The following MAPK10 variants were observed in gnomAD, a reference collection of about 807,000 sequenced individuals.
MAPK10 encodes mitogen-activated protein kinase 10, also known as JNK3 alpha protein kinase.
In MAPK10, 25 loss-of-function variants were observed where a neutral mutation model predicts 59.3. The observed-to-expected ratio is 0.42, with a 90% CI of 0.31 to 0.59. MAPK10 has a LOEUF of 0.59. MAPK10 is among the 20% of genes least tolerant of loss of function. The probability of loss-of-function intolerance (pLI) is 0.15; values close to 1 mark genes in which losing one functional copy is unlikely to be tolerated. For synonymous variants in MAPK10, 190 were observed against 200.5 expected, an observed-to-expected ratio of 0.95 and a Z score of 0.44; for missense variants, 351 against 568.9, an observed-to-expected ratio of 0.62 and a Z score of 3.90.
At chr4:86,388,704 A>T (rs1741817265) in intron 1 of MAPK10, among the ~76,000 whole-genome samples, 1 of 152,162 alleles carries the variant, frequency 6.6e-6, no homozygotes, top group Non-Finnish European at 1.5e-5. Flanking sequence ...TATCCAAATC[A>T]CTTTATGTAA....
upstream of MAPK10, among the ~76,000 whole-genome samples, chr4:86,454,755 A>C (rs971597213): frequency 2.0e-5 from 3 of 152,182 alleles, no homozygotes; most frequent in Admixed American, 6.5e-5. Context: ...AGAACTAGAC[A>C]TCCAAATACA....
At chr4:86,431,854 T>C (rs762505877) in intron 1 of MAPK10, among the ~76,000 whole-genome samples, 26 of 152,140 alleles carry the variant, frequency 1.7e-4, no homozygotes, top group Non-Finnish European at 2.4e-4. Flanking sequence ...ATGGCAATAT[T>C]AGCATGATCC....
intron 1 of MAPK10, among the ~76,000 whole-genome samples, chr4:86,463,175 C>T (rs1006157888): frequency 6.6e-6 from 1 of 152,128 alleles, no homozygotes; most frequent in Admixed American, 6.5e-5. Flanking sequence ...GTTATACAAC[C>T]TATGGGGACA....
At chr4:86,134,628 A>C (rs2061563230) in intron 4 of MAPK10, among the ~76,000 whole-genome samples, 1 of 152,252 alleles carries the variant, frequency 6.6e-6, no homozygotes, top group Admixed American at 6.5e-5. Context: ...TTTTAGTGGT[A>C]ATAATTACAT....
chr4:86,456,743 T>C (rs1751270166), upstream of MAPK10, among the ~76,000 whole-genome samples: 1 of 152,176 alleles, frequency 6.6e-6, no homozygotes, highest in Non-Finnish European at 1.5e-5. Context: ...GAAGAATTGA[T>C]ACCAATTCGA....
chr4:86,556,741 C>T (rs957975528), intron 1 of MAPK10, among the ~76,000 whole-genome samples: 2 of 151,998 alleles, frequency 1.3e-5, no homozygotes, highest in African/African-American at 4.8e-5. Context: ...CCTTTCGAGT[C>T]TTAGATGAAA....
intron 1 of MAPK10, among the ~76,000 whole-genome samples, chr4:86,504,861 A>G (rs1302263073): frequency 6.6e-6 from 1 of 152,138 alleles, no homozygotes; most frequent in Admixed American, 6.6e-5. Context: ...AAGAAGTGCT[A>G]CAAGATTCAT....
intron 4 of MAPK10, among the ~76,000 whole-genome samples, chr4:86,133,661 T>C (rs547518709): frequency 1.3e-5 from 2 of 152,370 alleles, no homozygotes; most frequent in South Asian, 4.1e-4. Flanking sequence ...TATTAACACG[T>C]ATGAATCTAT....
chr4:86,430,846 T>G (rs1233702510), intron 1 of MAPK10, among the ~76,000 whole-genome samples: 1 of 152,184 alleles, frequency 6.6e-6, no homozygotes, highest in Admixed American at 6.5e-5. Flanking sequence ...AGAAGTCTTG[T>G]AAGTCAATAT....
At chr4:86,342,207 G>C (rs1160858068) in intron 2 of MAPK10, among the ~76,000 whole-genome samples, 1 of 152,142 alleles carries the variant, frequency 6.6e-6, no homozygotes, top group Admixed American at 6.5e-5. Context: ...GACCAGAATA[G>C]AGTGATAAAA....
upstream of MAPK10, among the ~76,000 whole-genome samples, chr4:86,456,731 A>G (rs1455709665): frequency 6.6e-6 from 1 of 152,222 alleles, no homozygotes; most frequent in Non-Finnish European, 1.5e-5. Flanking sequence ...CAGACATTCA[A>G]AGAAGAATTG....
At chr4:86,521,482 TGTCG>T (rs1464671919) in intron 1 of MAPK10, among the ~76,000 whole-genome samples, 1 of 151,952 alleles carries the variant, frequency 6.6e-6, no homozygotes. Flanking sequence ...TTGTGGCCAC[TGTCG>T]GGGATGGGGG....
At chr4:86,173,860 C>G (rs2075009683) in intron 3 of MAPK10, among the ~76,000 whole-genome samples, 1 of 151,970 alleles carries the variant, frequency 6.6e-6, no homozygotes. Context: ...ATGCAGCCAA[C>G]AAACATGAAA....
At chr4:86,176,423 A>G (rs546167546) in intron 3 of MAPK10, among the ~76,000 whole-genome samples, 70 of 152,304 alleles carry the variant, frequency 4.6e-4, no homozygotes, top group African/African-American at 1.6e-3. Context: ...AATTAAGCTC[A>G]TAACATCAAA....
chr4:86,456,352 A>G (rs1199097338), upstream of MAPK10, among the ~76,000 whole-genome samples: 1 of 152,170 alleles, frequency 6.6e-6, no homozygotes, highest in Non-Finnish European at 1.5e-5. Context: ...AACAAAAAAG[A>G]TAAGTAAAAC....
chr4:86,490,946 A>G (rs1754409521), intron 1 of MAPK10, among the ~76,000 whole-genome samples: 1 of 152,222 alleles, frequency 6.6e-6, no homozygotes, highest in Admixed American at 6.5e-5. Flanking sequence ...GTACTGGGGA[A>G]AAAAGGATGA....
chr4:86,211,087 T>C (rs918229650), intron 2 of MAPK10, among the ~76,000 whole-genome samples: 1 of 151,936 alleles, frequency 6.6e-6, no homozygotes, highest in African/African-American at 2.4e-5. Context: ...CTAAGCAACC[T>C]GTGGAACACC....
chr4:86,455,383 CCTTCAAGAGACACAAA>C (rs1281019246), upstream of MAPK10, among the ~76,000 whole-genome samples: 3 of 152,054 alleles, frequency 2.0e-5, no homozygotes, highest in Admixed American at 1.3e-4. Context: ...TAGAGACACA[CCTTCAAGAGACACAAA>C]CTTCAAGAGA....
chr4:86,168,867 T>C (rs1175408245), intron 3 of MAPK10, among the ~76,000 whole-genome samples: 1 of 151,998 alleles, frequency 6.6e-6, no homozygotes, highest in African/African-American at 2.4e-5. Context: ...GAGACAAAAC[T>C]TCCAGAGGAA....
Sources: gnomAD v4.1 joint callset for allele counts (sites outside exome capture counted in the v4.1 genomes callset) on GRCh38, gnomAD v4.1.1 for gene constraint, MANE v1.5 for transcripts, NCBI Gene and HGNC (gene_info 2026-07-23, HGNC 2026-07-21) for gene names.